The following RALYL variants were observed in gnomAD, a reference collection of about 807,000 sequenced individuals.
RALYL encodes RNA-binding Raly-like protein.
RALYL carries 29 observed loss-of-function variants against 35.1 expected under a neutral mutation model. That is an observed-to-expected ratio of 0.83 (90% CI 0.61 to 1.13). The LOEUF is 1.13. Among genes scored for constraint, RALYL ranks in the 50% most tolerant of loss-of-function variants. The pLI is 0.00. For missense variants in RALYL, 359 were observed against 360.4 expected (o/e 1.00, Z 0.03); for synonymous variants, 120 against 127.6 (o/e 0.94, Z 0.40).
At chr8:84,509,335 A>G (rs1378759421) in intron 1 of RALYL, among the ~76,000 whole-genome samples, 2 of 152,174 alleles carry the variant, frequency 1.3e-5, no homozygotes, top group African/African-American at 2.4e-5. Context: ...GATTAAATGC[A>G]TTTATGATGC....
chr8:84,520,046 T>C (rs1452753965), intron 1 of RALYL, among the ~76,000 whole-genome samples: 1 of 152,246 alleles, frequency 6.6e-6, no homozygotes, highest in Non-Finnish European at 1.5e-5. Context: ...AGCTTGTTTA[T>C]TAATTGCTTC....
chr8:84,320,933 TC>T, intron 1 of RALYL, among the ~76,000 whole-genome samples: 1 of 152,256 alleles, frequency 6.6e-6, no homozygotes, highest in East Asian at 1.9e-4. Flanking sequence ...TGAAAGTAAT[TC>T]CTACTTGGAC....
At chr8:84,355,868 A>G (rs112287230) in intron 1 of RALYL, among the ~76,000 whole-genome samples, 5 of 150,316 alleles carry the variant, frequency 3.3e-5, no homozygotes, top group Admixed American at 6.6e-5. Flanking sequence ...GTGGTATGAA[A>G]TATAGAATGA....
chr8:84,542,336 T>C (rs915713307), intron 2 of RALYL, among the ~76,000 whole-genome samples: 1 of 152,160 alleles, frequency 6.6e-6, no homozygotes, highest in Admixed American at 6.6e-5. Flanking sequence ...TGTATATGTA[T>C]AATATATGTT....
intron 8 of RALYL, among the ~76,000 whole-genome samples, chr8:84,903,568 G>T (rs1846036754): frequency 6.6e-6 from 1 of 152,104 alleles, no homozygotes; most frequent in African/African-American, 2.4e-5. Flanking sequence ...TCTTCTGCCT[G>T]CCCAGGAGGT....
At chr8:84,371,650 G>T (rs2131433433) in intron 1 of RALYL, among the ~76,000 whole-genome samples, 1 of 151,786 alleles carries the variant, frequency 6.6e-6, no homozygotes, top group Non-Finnish European at 1.5e-5. Flanking sequence ...AAAATTCAAA[G>T]TTCCTAAGGG....
intron 1 of RALYL, among the ~76,000 whole-genome samples, chr8:84,293,491 C>A (rs543901768): frequency 6.6e-6 from 1 of 151,832 alleles, no homozygotes. Context: ...CACCTCTTGG[C>A]CTGATTTCAC....
At chr8:84,727,874 T>A (rs547722019) in intron 2 of RALYL, among the ~76,000 whole-genome samples, 61 of 152,236 alleles carry the variant, frequency 4.0e-4, no homozygotes, top group South Asian at 2.1e-3. Flanking sequence ...AGTCTATCAT[T>A]GTTGGACATT....
chr8:84,862,132 A>C (rs577588608), intron 5 of RALYL, among the ~76,000 whole-genome samples, 164 bp from the exon 6 acceptor site: 2 of 152,378 alleles, frequency 1.3e-5, no homozygotes, highest in African/African-American at 4.8e-5. Flanking sequence ...CTTAGTGAAA[A>C]TTAAATCTGC....
chr8:84,807,873 T>C (rs1013477874), intron 4 of RALYL, among the ~76,000 whole-genome samples: 4 of 152,230 alleles, frequency 2.6e-5, no homozygotes, highest in African/African-American at 9.6e-5. Context: ...TTTGTGTTTT[T>C]CTTACTGATT....
At chr8:84,410,699 TTAAA>T (rs2044012022) in intron 1 of RALYL, among the ~76,000 whole-genome samples, 1 of 151,786 alleles carries the variant, frequency 6.6e-6, no homozygotes, top group African/African-American at 2.4e-5. Context: ...ATTTTGTAGA[TTAAA>T]TAAAACAAAA....
intron 2 of RALYL, among the ~76,000 whole-genome samples, chr8:84,764,743 A>C (rs1813509028): frequency 6.6e-6 from 1 of 152,220 alleles, no homozygotes; most frequent in Non-Finnish European, 1.5e-5. Flanking sequence ...TAAAATGGTC[A>C]CAATTCAGTG....
chr8:84,253,176 G>GTTTTT lies in RALYL; in HGVS notation c.-24+68779_-24+68783dup, dbSNP rs764942491. 1.2e-3 allele frequency among the ~76,000 whole-genome samples: 64 copies of GTTTTT among 52,858 alleles called. 17 individuals carry two copies. Among genetic ancestry groups the GTTTTT allele is most frequent in the African/African-American group, 5.3e-3 (61 of 11,558 alleles). 34.7% of individuals were successfully genotyped at this position (52,858 alleles called of 152,430 possible). A position where few individuals can be genotyped will look rare whatever the true frequency, so the allele number is the denominator to read the frequency against. On this transcript the variant is annotated intron_variant, in intron 1 of 8. Transcript: ENST00000521268. ...GTATGTGTCTGTGTGTAGTTCTGCA[G>GTTTTT]TTTTTTTTTTTTTTTTTTTTTTTTT...
intron 2 of RALYL, among the ~76,000 whole-genome samples, chr8:84,562,439 C>T (rs578209186): frequency 6.6e-6 from 1 of 152,006 alleles, no homozygotes; most frequent in Non-Finnish European, 1.5e-5. Flanking sequence ...TTGACCAACA[C>T]ATATTCTCCT....
intron 1 of RALYL, among the ~76,000 whole-genome samples, chr8:84,227,751 A>G (rs1026330219): frequency 1.3e-5 from 2 of 152,310 alleles, no homozygotes; most frequent in Admixed American, 6.5e-5. Flanking sequence ...AATTATGATT[A>G]CAGTAGTTAT....
intron 5 of RALYL, among the ~76,000 whole-genome samples, chr8:84,860,938 A>C (rs917796612): frequency 3.3e-5 from 5 of 152,162 alleles, no homozygotes; most frequent in Non-Finnish European, 2.9e-5. Flanking sequence ...CTAAATGAAT[A>C]TTTGGAAACC....
intron 2 of RALYL, among the ~76,000 whole-genome samples, chr8:84,735,658 T>A (rs1847124122): frequency 6.6e-6 from 1 of 152,058 alleles, no homozygotes. Flanking sequence ...TGACAATCTA[T>A]CTACCCTTTT....
chr8:84,846,773 C>T (rs975964432), intron 4 of RALYL, among the ~76,000 whole-genome samples: 50 of 152,130 alleles, frequency 3.3e-4, no homozygotes, highest in African/African-American at 1.2e-3. Flanking sequence ...TATCCATTTT[C>T]TCTAGATGTC....
chr8:84,373,445 A>G (rs142459812), intron 1 of RALYL, among the ~76,000 whole-genome samples: 335 of 152,094 alleles, frequency 2.2e-3, no homozygotes, highest in African/African-American at 7.7e-3. Context: ...ATGGCTAGTG[A>G]GTTATCTCAG....
Sources: gnomAD v4.1 joint callset for allele counts (sites outside exome capture counted in the v4.1 genomes callset) on GRCh38, gnomAD v4.1.1 for gene constraint, MANE v1.5 for transcripts, NCBI Gene and HGNC (gene_info 2026-07-23, HGNC 2026-07-21) for gene names.